Variants in ME2 observed in about 807,000 individuals in gnomAD.
ME2 encodes the protein NAD-dependent malic enzyme, mitochondrial.
In ME2, 60 loss-of-function variants were observed where a neutral mutation model predicts 73.7. The observed-to-expected ratio is 0.81, with a 90% CI of 0.66 to 1.01. ME2 has a LOEUF of 1.01. ME2 is among the 50% of genes least tolerant of loss of function. ME2 has a pLI of 0.00. For missense variants in ME2, 594 were observed against 705.5 expected, an observed-to-expected ratio of 0.84 and a Z score of 1.79; for synonymous variants, 199 against 236.9, an observed-to-expected ratio of 0.84 and a Z score of 1.47.
chr18:50,942,782 T>C, intron 15 of ME2: 1 of 282,932 alleles, frequency 3.5e-6, no homozygotes, highest in Middle Eastern at 9.7e-4. Flanking sequence ...ATGAATTTAC[T>C]TGATGACCAG....
intron 13 of ME2, chr18:50,933,351 A>T (rs1442438552): frequency 6.6e-6 from 1 of 152,196 alleles, no homozygotes; most frequent in Non-Finnish European, 1.5e-5. Context: ...TCTAATTAAG[A>T]TATGACAAGT....
rs185776159 is a variant in ME2 at position 50,884,578 on chromosome 18, C to T, written c.-13+5270C>T. Among the ~76,000 whole-genome samples, 7 of 152,274 alleles carry T rather than the reference C, an allele frequency of 4.6e-5. No individual in the cohort carries two copies. In the East Asian group the frequency reaches 1.2e-3, roughly 25 times the overall value. ...GATCAGGATAGCTTTGAAATCTTGACGTCATGTTCCACCTGCCTCGGCCTC... is the reference window on the plus strand; with the variant it reads ...GATCAGGATAGCTTTGAAATCTTGATGTCATGTTCCACCTGCCTCGGCCTC... On this transcript the variant is annotated intron_variant, in intron 1 of 15. Transcript: ENST00000321341.
rs556384745 is a variant in ME2 at position 50,925,743 on chromosome 18, T to A, written c.1172-13T>A. 1.9e-6 allele frequency: 3 copies of A among 1,612,718 alleles called. No homozygotes were observed. The South Asian group carries it at 3.3e-5, about 18-fold the overall frequency. ...ATAATGAAGTTGCTGTTTTTCCCCC[T>A]TACTTATTACAGGAGTTGCAGGTGC... is the stretch of plus-strand genomic sequence containing the variant. On this transcript the variant is annotated splice_polypyrimidine_tract_variant and intron_variant, in intron 11 of 15. Coordinates refer to ENST00000321341, the MANE Select transcript of ME2 (RefSeq NM_002396.5).
intron 13 of ME2, among the ~76,000 whole-genome samples, chr18:50,937,259 T>C (rs1021586010): frequency 6.6e-6 from 1 of 152,202 alleles, no homozygotes. Flanking sequence ...TGTGATCTTC[T>C]CAGTCATGAG....
In ME2 at chr18:50,908,191, G is replaced by A; in HGVS notation, c.237G>A (p.Leu79=). The change falls in exon 3 of 16, where the codon TTG becomes TTA. Residue 79 remains leucine (L), a synonymous_variant. Coordinates refer to ENST00000321341, the MANE Select transcript of ME2 (RefSeq NM_002396.5). The stretch of plus-strand genomic sequence containing the variant: ...ACTTGAAGAAAATGACTAGCCCTTT[G>A]GAAAAGTAAGAGTTGCTTAGATGTT... ...HRNLKKMTSP[L]EKYIYIMGIQ... 1.3e-6 allele frequency: 2 copies of A among 1,585,622 alleles called. No individual in the cohort carries two copies. The highest frequency in any genetic ancestry group is 8.5e-7 in the Non-Finnish European group (1 of 1,170,140).
At chr18:50,939,810 A>G (rs944911079) in intron 14 of ME2, 170 bp downstream of exon 14, 28 of 550,888 alleles carry the variant, frequency 5.1e-5, no homozygotes, top group Admixed American at 2.2e-4. Flanking sequence ...AATTTTTTTA[A>G]TCATGACTTA....
chr18:50,890,733 A>G (rs373865895), intron 1 of ME2, among the ~76,000 whole-genome samples: 2 of 152,110 alleles, frequency 1.3e-5, no homozygotes, highest in East Asian at 3.8e-4. Context: ...GTTTTTCTTT[A>G]TATCTAGTTG....
chr18:50,890,321 C>T (rs749372294), intron 1 of ME2, among the ~76,000 whole-genome samples: 1 of 151,698 alleles, frequency 6.6e-6, no homozygotes, highest in African/African-American at 2.4e-5. Flanking sequence ...ACTATGTTGC[C>T]CAGGCTAGTC....
intron 2 of ME2, among the ~76,000 whole-genome samples, chr18:50,907,140 A>T (rs533280400): frequency 6.6e-6 from 1 of 152,292 alleles, no homozygotes; most frequent in African/African-American, 2.4e-5. Context: ...GTTAGGTCAA[A>T]TGAAGATAGC....
intron 1 of ME2, among the ~76,000 whole-genome samples, chr18:50,893,888 CAGTG>C (rs1480480714): frequency 6.6e-6 from 1 of 152,212 alleles, no homozygotes; most frequent in Non-Finnish European, 1.5e-5. Context: ...GCTACCTGTA[CAGTG>C]TTTTCCACTT....
intron 10 of ME2, 40 bp from the exon 11 acceptor site, chr18:50,924,058 C>T (rs751514287): frequency 2.1e-5 from 25 of 1,207,176 alleles, no homozygotes; most frequent in Non-Finnish European, 2.9e-5. Context: ...CTTTAATATG[C>T]ATTGACTAAA....
chr18:50,891,988 GTT>G (rs11463139), intron 1 of ME2, among the ~76,000 whole-genome samples: 2 of 143,084 alleles, frequency 1.4e-5, no homozygotes, highest in Non-Finnish European at 1.5e-5. Context: ...GTGTGTGTGG[GTT>G]TTTTTTTTTT....
Position 50,912,500 on chromosome 18 carries a change from G to GTGA in ME2, c.243-299_243-297dup, listed in dbSNP as rs556981286. Among the ~76,000 whole-genome samples, 612 of 152,260 alleles carry GTGA rather than the reference G, an allele frequency of 4.0e-3. 3 individuals carry two copies. The highest frequency in any genetic ancestry group is 5.7e-3 in the Non-Finnish European group (391 of 68,026). ...ATTCTTTAAGCGTAAGGACCTCATG[G>GTGA]TGATCTTTGCATTTCCAGTGCCTTC... On this transcript the variant is annotated intron_variant, in intron 3 of 15. Coordinates refer to ENST00000321341, the MANE Select transcript of ME2 (RefSeq NM_002396.5).
At chr18:50,946,361 G>A (rs1918082794) in intron 15 of ME2, among the ~76,000 whole-genome samples, 1 of 152,164 alleles carries the variant, frequency 6.6e-6, no homozygotes, top group Non-Finnish European at 1.5e-5. Flanking sequence ...GACTCAGAAT[G>A]CTTTGGGTTT....
chr18:50,918,724 T>A (rs1167242623), intron 7 of ME2, among the ~76,000 whole-genome samples: 1 of 150,360 alleles, frequency 6.7e-6, no homozygotes, highest in Non-Finnish European at 1.5e-5. Context: ...TTTTGTCATC[T>A]TCACAGGTTC....
rs1230124560 is a variant in ME2 at position 50,920,557 on chromosome 18, A to T, written c.836A>T (p.Asp279Val). 2 of 1,586,884 alleles carry T rather than the reference A, an allele frequency of 1.3e-6. No homozygotes were observed. Among genetic ancestry groups the T allele is most frequent in the South Asian group, 2.3e-5 (2 of 85,748 alleles). ...YREKYCTFND[D>V]IQGTAAVALA... ...GAAAAATATTGTACTTTCAATGATG[A>T]TATTCAAGGTAAAGCAAAAAAACTT... is the stretch of plus-strand genomic sequence containing the variant. Residue 279 changes from aspartate (D) to valine (V), a missense_variant, in exon 8 of 16, where the codon GAT becomes GTT. Transcript: ENST00000321341.
intron 5 of ME2, 78 bp from the exon 6 acceptor site, chr18:50,917,269 G>A: frequency 2.6e-6 from 3 of 1,141,086 alleles, no homozygotes; most frequent in Non-Finnish European, 3.8e-6. Context: ...TATATGAAGT[G>A]AATCAATCTT....
intron 1 of ME2, among the ~76,000 whole-genome samples, chr18:50,888,015 A>C (rs1916516236): frequency 6.6e-6 from 1 of 152,218 alleles, no homozygotes; most frequent in Admixed American, 6.5e-5. Context: ...CTAAAGAGCT[A>C]TATAAGAAGT....
At chr18:50,935,751 CAAA>C (rs34993879) in intron 13 of ME2, 6 of 57,298 alleles carry the variant, frequency 1.0e-4, no homozygotes, top group Non-Finnish European at 1.5e-4. Flanking sequence ...GACCCTGTCT[CAAA>C]AAAAAAAAAA....
Sources: gnomAD v4.1 joint callset for allele counts (sites outside exome capture counted in the v4.1 genomes callset) on GRCh38, gnomAD v4.1.1 for gene constraint, MANE v1.5 for transcripts, NCBI Gene and HGNC (gene_info 2026-07-23, HGNC 2026-07-21) for gene names.